The following SLCO6A1 variants were observed in gnomAD, a reference collection of about 807,000 sequenced individuals.
SLCO6A1 encodes solute carrier organic anion transporter family member 6A1.
Under a neutral mutation model 72.7 loss-of-function variants are expected in SLCO6A1, and 65 were observed. The observed-to-expected ratio is 0.89, with a 90% CI of 0.73 to 1.10. SLCO6A1 has a LOEUF of 1.10. SLCO6A1 is among the 50% of genes least tolerant of loss of function. SLCO6A1 has a pLI of 0.00. For synonymous variants in SLCO6A1, 314 were observed against 298.2 expected, an observed-to-expected ratio of 1.05 and a Z score of -0.55; for missense variants, 874 against 872.6, an observed-to-expected ratio of 1.00 and a Z score of -0.02.
intron 9 of SLCO6A1, among the ~76,000 whole-genome samples, chr5:102,406,400 A>G (rs1208133557): frequency 1.3e-5 from 2 of 152,128 alleles, no homozygotes; most frequent in Non-Finnish European, 2.9e-5. Flanking sequence ...AAGATAAATG[A>G]ATAGTTCATC....
intron 8 of SLCO6A1, among the ~76,000 whole-genome samples, chr5:102,414,962 T>TTACA (rs952468118): frequency 1.3e-5 from 2 of 151,654 alleles, no homozygotes; most frequent in Admixed American, 1.3e-4. Context: ...GCAAGCTTGT[T>TTACA]TACAATAGGT....
rs762758657 is a variant in SLCO6A1 at position 102,458,395 on chromosome 5, C to T, written c.1118G>A (p.Cys373Tyr). The change falls in exon 6 of 14, where the codon TGT becomes TAT. Residue 373 changes from cysteine to tyrosine, a missense_variant. Coordinates refer to ENST00000506729, the MANE Select transcript of SLCO6A1 (RefSeq NM_173488.5). ...LKLGTNIKDL[C>Y]AALWILMKNP... is the part of the protein sequence containing the mutation. ...ATTTTACTTTACCCAAAGAGCAGCA[C>T]ATAAATCCTTGATATTAGTTCCAAG... 2.5e-6 allele frequency: 4 copies of T among 1,609,822 alleles called. No individual in the cohort carries two copies. The African/African-American group carries it at 5.3e-5, about 22-fold the overall frequency.
At chr5:102,465,563 G>T (rs938405308) in intron 4 of SLCO6A1, among the ~76,000 whole-genome samples, 2 of 151,896 alleles carry the variant, frequency 1.3e-5, no homozygotes, top group Non-Finnish European at 2.9e-5. Context: ...TGAGAGAAAC[G>T]CATTATGTCT....
chr5:102,437,603 C>G (rs1369340732), intron 7 of SLCO6A1, among the ~76,000 whole-genome samples: 3 of 152,032 alleles, frequency 2.0e-5, no homozygotes, highest in African/African-American at 7.2e-5. Flanking sequence ...GTCATTATGG[C>G]CATTGAAAGC....
rs578198794 is a variant in SLCO6A1, at chr5:102,498,093, C to A, written c.358+394G>T. Among the ~76,000 whole-genome samples, 75 of 152,148 alleles carry A rather than the reference C, an allele frequency of 4.9e-4. 1 individual carries two copies. Among genetic ancestry groups the A allele is most frequent in the Non-Finnish European group, 1.0e-3 (70 of 68,030 alleles). On this transcript the variant is annotated intron_variant, in intron 1 of 13. Transcript: ENST00000506729. Reference sequence around the variant, plus strand: ...AACCACACTATGATTCCCTGACCAACCTGACCAATCAGCACTCCCCAGTTC... The same window carrying A: ...AACCACACTATGATTCCCTGACCAAACTGACCAATCAGCACTCCCCAGTTC...
intron 4 of SLCO6A1, among the ~76,000 whole-genome samples, chr5:102,464,596 G>C (rs991444356): frequency 5.9e-5 from 9 of 152,166 alleles, no homozygotes. Context: ...TGCAACAGAA[G>C]AGAGCCATTA....
intron 1 of SLCO6A1, among the ~76,000 whole-genome samples, chr5:102,494,336 G>C (rs551447846): frequency 5.9e-5 from 9 of 152,142 alleles, no homozygotes; most frequent in Non-Finnish European, 1.2e-4. Context: ...TAGAAGAAAA[G>C]CAAAGTAGAA....
intron 9 of SLCO6A1, among the ~76,000 whole-genome samples, chr5:102,409,081 T>C (rs1314551701): frequency 1.3e-5 from 2 of 152,146 alleles, no homozygotes; most frequent in African/African-American, 4.8e-5. Context: ...TTATTTAATA[T>C]CTATATAAAG....
At chr5:102,421,983 T>C (rs2112620829) in intron 7 of SLCO6A1, among the ~76,000 whole-genome samples, 1 of 152,262 alleles carries the variant, frequency 6.6e-6, no homozygotes, top group Middle Eastern at 3.4e-3. Context: ...GCAAACAGGG[T>C]CTGGAGTGGA....
At position 102,390,231 on chromosome 5, in the gene SLCO6A1, A is replaced by G. The variant is rs374760703; in HGVS notation, c.1879+750T>C. Reference sequence around the variant, plus strand: ...TTCCGATGCAGGAAACTTCCTGTGTACTGACTGACTGTTTCCTATGCTACC... The same window carrying G: ...TTCCGATGCAGGAAACTTCCTGTGTGCTGACTGACTGTTTCCTATGCTACC... On this transcript the variant is annotated intron_variant, in intron 11 of 13. Transcript: ENST00000506729. Among the ~76,000 whole-genome samples the G allele has an allele frequency of 2.0e-5, 3 of 152,272 alleles. No individual in the cohort carries two copies. In the East Asian group the frequency reaches 5.8e-4, roughly 29 times the overall value.
intron 6 of SLCO6A1, among the ~76,000 whole-genome samples, chr5:102,450,533 T>C (rs1750357977): frequency 6.6e-6 from 1 of 152,182 alleles, no homozygotes; most frequent in Non-Finnish European, 1.5e-5. Flanking sequence ...CTCTCAGTGC[T>C]CTGAGAGTGT....
intron 7 of SLCO6A1, among the ~76,000 whole-genome samples, chr5:102,421,692 A>G (rs535637509): frequency 6.6e-6 from 1 of 152,298 alleles, no homozygotes; most frequent in Admixed American, 6.5e-5. Context: ...CTGCGGGTGC[A>G]GCTTCAGCAG....
intron 7 of SLCO6A1, among the ~76,000 whole-genome samples, chr5:102,425,055 G>C (rs1460845388): frequency 6.6e-6 from 1 of 152,116 alleles, no homozygotes; most frequent in South Asian, 2.1e-4. Context: ...AAATCCCTTC[G>C]ATAAAATTTA....
intron 12 of SLCO6A1, among the ~76,000 whole-genome samples, chr5:102,382,547 T>A (rs533093048): frequency 6.6e-6 from 1 of 151,594 alleles, no homozygotes; most frequent in Non-Finnish European, 1.5e-5. Context: ...TGATAGGTAC[T>A]GCTTGGAATC....
chr5:102,408,862 A>G lies in SLCO6A1; in HGVS notation c.1626+4128T>C, dbSNP rs540669183. ...CAGTAAATAAAATTAAAATATTCCA[A>G]TGATATTTAAGCTGAATGAAAACCT... On this transcript the variant is annotated intron_variant, in intron 9 of 13. Coordinates refer to ENST00000506729, the MANE Select transcript of SLCO6A1 (RefSeq NM_173488.5). Among the ~76,000 whole-genome samples the G allele has an allele frequency of 2.0e-5, 3 of 152,286 alleles. No individual in the cohort carries two copies. In the South Asian group the frequency reaches 6.2e-4, roughly 32 times the overall value.
chr5:102,435,546 A>C (rs752702987), intron 7 of SLCO6A1, among the ~76,000 whole-genome samples: 21 of 152,178 alleles, frequency 1.4e-4, no homozygotes, highest in Non-Finnish European at 2.5e-4. Context: ...TAAGAAATGC[A>C]GTATTTCCAT....
rs190556169 is a variant in SLCO6A1 at position 102,488,065 on chromosome 5, C to T, written c.359-7631G>A. On this transcript the variant is annotated intron_variant, in intron 1 of 13. Transcript: ENST00000506729. ...CAGCTGGCATAAACGGGAGCTGTTTCGCATAAATTAAAGCATATAGTCAAC... is the reference window on the plus strand; with the variant it reads ...CAGCTGGCATAAACGGGAGCTGTTTTGCATAAATTAAAGCATATAGTCAAC... 8.8e-3 allele frequency among the ~76,000 whole-genome samples: 1,343 copies of T among 152,148 alleles called. 11 individuals carry two copies. Among genetic ancestry groups the T allele is most frequent in the Non-Finnish European group, 0.013 (909 of 68,002 alleles).
At chr5:102,387,611 T>C (rs1044107111) in intron 12 of SLCO6A1, among the ~76,000 whole-genome samples, 1 of 152,146 alleles carries the variant, frequency 6.6e-6, no homozygotes, top group African/African-American at 2.4e-5. Flanking sequence ...GCTTGCTGAA[T>C]ACTTGACTTC....
chr5:102,465,272 C>T (rs1751252631), intron 4 of SLCO6A1, among the ~76,000 whole-genome samples: 1 of 151,722 alleles, frequency 6.6e-6, no homozygotes, highest in African/African-American at 2.4e-5. Context: ...TTAATAATAA[C>T]CCCAGGAGCA....
Sources: allele counts gnomAD v4.1 joint callset (sites outside exome capture counted in the v4.1 genomes callset), GRCh38; gene constraint gnomAD v4.1.1; transcripts MANE v1.5; gene names NCBI Gene and HGNC (gene_info 2026-07-23, HGNC 2026-07-21).